The following COL6A1 variants were observed in gnomAD, a reference collection of about 807,000 sequenced individuals.
COL6A1 encodes the protein collagen type VI alpha 1 chain, also known as collagen alpha-1(VI) chain.
A neutral mutation model predicts 145.6 loss-of-function variants in COL6A1; 80 were observed. The observed-to-expected ratio is 0.55, with a 90% confidence interval of 0.46 to 0.66. COL6A1 has a LOEUF of 0.66. Ranked by LOEUF, COL6A1 falls within the 30% of genes least tolerant of loss-of-function variation. COL6A1 has a pLI of 0.00. For synonymous variants in COL6A1, 638 were observed against 622.8 expected (o/e 1.02, Z -0.36); for missense variants, 1,364 against 1,473.8 (o/e 0.93, Z 1.22).
At position 45,998,006 on chromosome 21, in the gene COL6A1, C is replaced by T. The variant is rs576173158; in HGVS notation, c.1525-115C>T. 1.5e-4 allele frequency: 208 copies of T among 1,367,004 alleles called. No individual in the cohort carries two copies. The South Asian group carries it at 1.7e-3, about 11-fold the overall frequency. 84.7% of individuals were successfully genotyped at this position (1,367,004 alleles called of 1,614,324 possible). A position where few individuals can be genotyped will look rare whatever the true frequency, so the allele number is the denominator to read the frequency against. On this transcript the variant is annotated intron_variant, in intron 22 of 34. Coordinates refer to ENST00000361866, the MANE Select transcript of COL6A1 (RefSeq NM_001848.3). ...GCAGGGTGGCCCCAGGGGAGGGAGCCGGCTTCTGGGCTGACGGAGGGGCCC... is the reference window on the plus strand; with the variant it reads ...GCAGGGTGGCCCCAGGGGAGGGAGCTGGCTTCTGGGCTGACGGAGGGGCCC...
Position 46,003,570 on chromosome 21 carries a change from G to A in COL6A1, c.2644G>A (p.Gly882Ser). ...GGCGGTGGTGCAGTACAGCGGCACG[G>A]GCCAGCAGCGCCCAGAGCGGGCGTC... is the stretch of plus-strand genomic sequence containing the variant. Reference protein sequence around the residue: ...RVAVVQYSGTGQQRPERASLQ... With the variant: ...RVAVVQYSGTSQQRPERASLQ... The change falls in exon 35 of 35, where the codon GGC (glycine) becomes AGC (serine). Residue 882 changes from glycine (G) to serine (S), a missense_variant. This residue lies in a region of COL6A1 where 938 missense variants were observed against 1,003.8 expected (regional missense o/e 0.93). Coordinates refer to ENST00000361866, the MANE Select transcript of COL6A1 (RefSeq NM_001848.3). 1 of 1,612,614 alleles carries A rather than the reference G, an allele frequency of 6.2e-7. No individual in the cohort carries two copies. The highest frequency in any genetic ancestry group is 8.5e-7 in the Non-Finnish European group (1 of 1,179,740).
intron 21 of COL6A1, 86 bp downstream of exon 21, chr21:45,997,569 C>G: frequency 6.5e-7 from 1 of 1,543,054 alleles, no homozygotes; most frequent in Non-Finnish European, 8.9e-7. Context: ...TGGCCCCGTG[C>G]CCTCTGAGGA....
chr21:45,996,329 C>T (rs985900718), intron 20 of COL6A1, among the ~76,000 whole-genome samples: 1 of 152,234 alleles, frequency 6.6e-6, no homozygotes, highest in African/African-American at 2.4e-5. Context: ...AGTCCCCAGT[C>T]AAGTGTGCAG....
rs780234826 is a variant in COL6A1 at position 46,003,585 on chromosome 21, G to C, written c.2659G>C (p.Glu887Gln). 6.2e-7 allele frequency: 1 copy of C among 1,612,668 alleles called. No homozygotes were observed. The highest frequency in any genetic ancestry group is 8.5e-7 in the Non-Finnish European group (1 of 1,179,802). Reference sequence around the variant, plus strand: ...CAGCGGCACGGGCCAGCAGCGCCCAGAGCGGGCGTCGCTGCAGTTCCTGCA... The same window carrying C: ...CAGCGGCACGGGCCAGCAGCGCCCACAGCGGGCGTCGCTGCAGTTCCTGCA... ...QYSGTGQQRP[E>Q]RASLQFLQNY... is the part of the protein sequence containing the mutation. Residue 887 changes from glutamate (E) to glutamine (Q), a missense_variant, in exon 35 of 35, where the codon GAG becomes CAG. Glu to Gln is a conservative substitution (Grantham distance 29, BLOSUM62 2). Around this residue, in one of 3 missense-constraint regions of COL6A1, gnomAD observed 938 missense variants for 1,003.8 expected, o/e 0.93. Transcript: ENST00000361866.
chr21:45,985,150 C>T lies in COL6A1; in HGVS notation c.428+681C>T, dbSNP rs562557999. ...GACAGAGAGACAGAGACAGAGACAG[C>T]GAAACAGAGACAGAAACATACAGAG... On this transcript the variant is annotated intron_variant, in intron 3 of 34. Transcript: ENST00000361866. Among the ~76,000 whole-genome samples the T allele has an allele frequency of 2.2e-4, 26 of 116,462 alleles. No individual in the cohort carries two copies. In the South Asian group the frequency reaches 7.9e-3, roughly 36 times the overall value. The allele number at this position is 116,462 out of a possible 152,430, so 76.4% of individuals were successfully genotyped here. A position where few individuals can be genotyped will look rare whatever the true frequency, so the allele number is the denominator to read the frequency against.
rs756230422 is a variant in COL6A1 at position 46,002,589 on chromosome 21, C to T, written c.2313C>T (p.Val771=). The part of the protein sequence containing the change: ...DFIPGSDQLN[V]ISCQGLAPSQ... ...TCCCAGGCTCAGACCAGCTCAATGT[C>T]ATTTCTTGCCAAGGCCTGGCACCAT... The change falls in exon 33 of 35, where the codon GTC becomes GTT. Residue 771 remains valine (V), a synonymous_variant. Coordinates refer to ENST00000361866, the MANE Select transcript of COL6A1 (RefSeq NM_001848.3). 1 of 1,614,138 alleles carries T rather than the reference C, an allele frequency of 6.2e-7. No homozygotes were observed. The highest frequency in any genetic ancestry group is 1.1e-5 in the South Asian group (1 of 91,076).
chr21:46,002,108 G>T, intron 31 of COL6A1, 38 bp downstream of exon 31: 2 of 1,587,144 alleles, frequency 1.3e-6, no homozygotes, highest in Non-Finnish European at 8.6e-7. Context: ...CCCACCCCTC[G>T]CCCCGACCGC....
chr21:45,982,282 C>CT (rs964597972), intron 1 of COL6A1, among the ~76,000 whole-genome samples: 2 of 62,194 alleles, frequency 3.2e-5, no homozygotes, highest in Non-Finnish European at 6.8e-5. Context: ...AGACGCACGG[C>CT]CCCCCCGACC....
Position 45,982,748 on chromosome 21 carries a change from A to G in COL6A1, c.212A>G (p.Asp71Gly). The change falls in exon 2 of 35, where the codon GAC becomes GGC. Residue 71 changes from aspartate (D) to glycine (G), a missense_variant. By Grantham distance (94) the Asp-to-Gly change is moderately conservative (BLOSUM62 -1). Transcript: ENST00000361866. ...KVKSFTKRFI[D>G]NLRDRYYRCD... ...AAGTCCTTCACCAAGCGCTTCATCG[A>G]CAACCTGAGGGACAGGTAGGAGGGA... The G allele has an allele frequency of 6.2e-7, 1 of 1,612,482 alleles. No individual in the cohort carries two copies. The highest frequency in any genetic ancestry group is 8.5e-7 in the Non-Finnish European group (1 of 1,179,908).
intron 19 of COL6A1, among the ~76,000 whole-genome samples, chr21:45,993,939 G>C (rs2077790613): frequency 6.6e-6 from 1 of 152,208 alleles, no homozygotes; most frequent in African/African-American, 2.4e-5. Flanking sequence ...GGGGCCCCAG[G>C]AGGAGCTGCC....
At chr21:45,995,283 G>C (rs1426466511) in intron 20 of COL6A1, among the ~76,000 whole-genome samples, 1 of 152,244 alleles carries the variant, frequency 6.6e-6, no homozygotes, top group Non-Finnish European at 1.5e-5. Flanking sequence ...CACGGCCTCA[G>C]TCTCTGATCC....
rs1430780209 is a variant in COL6A1 at position 45,989,765 on chromosome 21, G to T, written c.917G>T (p.Ser306Ile). ...CTGGGTGTGTAGGGAGAAAAAGGGA[G>T]CCGTGGGGAGAAGGTGAGTGAGGCT... Reference protein sequence around the residue: ...GYQGMKGEKGSRGEKGSRGPK... With the variant: ...GYQGMKGEKGIRGEKGSRGPK... Residue 306 changes from serine (S) to isoleucine (I), a missense_variant, in exon 11 of 35, where the codon AGC (serine) becomes ATC (isoleucine). Ser to Ile is a moderately radical substitution (Grantham distance 142). This residue lies in a region of COL6A1 where 414 missense variants were observed against 437.6 expected (regional missense o/e 0.95). Transcript: ENST00000361866. 1.2e-6 allele frequency: 2 copies of T among 1,612,950 alleles called. No homozygotes were observed. Among genetic ancestry groups the T allele is most frequent in the Admixed American group, 3.3e-5 (2 of 60,026 alleles).
At position 45,997,496 on chromosome 21, in the gene COL6A1, CCCCACCCACACCCG is replaced by C. The variant is rs2077812098; in HGVS notation, c.1461+22_1461+35del. 5 of 1,573,374 alleles carry C rather than the reference CCCCACCCACACCCG, an allele frequency of 3.2e-6. No individual in the cohort carries two copies. Among genetic ancestry groups the C allele is most frequent in the Non-Finnish European group, 4.3e-6 (5 of 1,164,514 alleles). On this transcript the variant is annotated intron_variant, in intron 21 of 34. Coordinates refer to ENST00000361866, the MANE Select transcript of COL6A1 (RefSeq NM_001848.3). Reference sequence around the variant, plus strand: ...CCCAGGGTCCGAGGTGAGTCCCACTCCCCACCCACACCCGCCCACCCAGGGGGGCCTGAGGATCC... The same window carrying C: ...CCCAGGGTCCGAGGTGAGTCCCACTCCCCACCCAGGGGGGCCTGAGGATCC...
chr21:45,990,158 T>C (rs1603590740), intron 11 of COL6A1, 100 bp from the exon 12 acceptor site: 1 of 1,409,772 alleles, frequency 7.1e-7, no homozygotes, highest in African/African-American at 1.4e-5. Context: ...TCCCCTCGGG[T>C]TGGGGGCACC....
At chr21:45,995,093 G>A (rs1358990688) in intron 20 of COL6A1, among the ~76,000 whole-genome samples, 1 of 152,242 alleles carries the variant, frequency 6.6e-6, no homozygotes, top group Non-Finnish European at 1.5e-5. Flanking sequence ...TTCTGTGCAC[G>A]AGGTGAAATC....
At chr21:45,999,277 G>A in intron 26 of COL6A1, 59 bp downstream of exon 26, 1 of 1,474,334 alleles carries the variant, frequency 6.8e-7, no homozygotes, top group Non-Finnish European at 9.3e-7. Context: ...CCGGATGCTG[G>A]GGCTGGGGAA....
chr21:46,001,837 CAGGTCCTG>C (rs1446827456), intron 30 of COL6A1, 116 bp from the exon 31 acceptor site: 8 of 794,666 alleles, frequency 1.0e-5, no homozygotes, highest in East Asian at 2.7e-5. Context: ...GCAGGGGACC[CAGGTCCTG>C]AGGTCCTGGG....
At chr21:46,003,277 G>A (rs2077859638) in intron 34 of COL6A1, 114 bp from the exon 35 acceptor site, 5 of 1,603,630 alleles carry the variant, frequency 3.1e-6, no homozygotes, top group Non-Finnish European at 4.3e-6. Context: ...TCACTCCGGT[G>A]GCTGAGCACC....
chr21:46,002,863 T>G (rs2077856698), intron 33 of COL6A1, among the ~76,000 whole-genome samples, 153 bp downstream of exon 33: 1 of 151,206 alleles, frequency 6.6e-6, no homozygotes, highest in African/African-American at 2.4e-5. Flanking sequence ...CCGTCCCAGA[T>G]CTGTGTAGGT....
Sources: allele counts gnomAD v4.1 joint callset (sites outside exome capture counted in the v4.1 genomes callset), GRCh38; gene constraint gnomAD v4.1.1; regional missense constraint gnomAD v4.1.1; transcripts MANE v1.5; gene names NCBI Gene and HGNC (gene_info 2026-07-23, HGNC 2026-07-21).